Variants in ENOX2 observed in about 807,000 individuals in gnomAD.
ENOX2 encodes the protein APK1 antigen.
ENOX2 carries 36 observed loss-of-function variants against 45.0 expected under a neutral mutation model. The observed-to-expected ratio is 0.80, with a 90% CI of 0.61 to 1.06. The LOEUF (loss-of-function observed/expected upper bound fraction) is 1.06. Among genes scored for constraint, ENOX2 ranks in the 50% least tolerant of loss-of-function variants. The pLI, the probability that ENOX2 is intolerant of heterozygous loss-of-function variation, is 0.00. For synonymous variants in ENOX2, 174 were observed against 152.3 expected (o/e 1.14, Z -1.05); for missense variants, 423 against 462.5 (o/e 0.91, Z 0.78).
At chrX:130,883,714 G>A (rs1417047748) in intron 2 of ENOX2, among the ~76,000 whole-genome samples, 1 of 110,441 alleles carries the variant, frequency 9.1e-6, no homozygotes, top group Non-Finnish European at 1.9e-5. Context: ...TTATATTCCC[G>A]TCCATGAGAC....
At chrX:130,837,389 T>C (rs1182990697) in intron 2 of ENOX2, among the ~76,000 whole-genome samples, 1 of 112,221 alleles carries the variant, frequency 8.9e-6, no homozygotes, top group Admixed American at 9.4e-5. Context: ...AGAAAGGTCA[T>C]AGCTGCTCAC....
rs1002268556 is a variant in ENOX2, at chrX:130,885,214, T to C, written c.-183+16470A>G. On this transcript the variant is annotated intron_variant, in intron 2 of 14. Transcript: ENST00000394363. ...AGTAAATGACCAAATTTATCCTCCTTCTCTAGTAGCATAAGTCACATTTAC... is the reference window on the plus strand; with the variant it reads ...AGTAAATGACCAAATTTATCCTCCTCCTCTAGTAGCATAAGTCACATTTAC... Among the ~76,000 whole-genome samples the C allele has an allele frequency of 4.5e-5, 5 of 111,693 alleles. No individual in the cohort carries two copies. In the Admixed American group the frequency reaches 4.8e-4, roughly 11 times the overall value.
chrX:130,808,679 G>T (rs564523478), intron 2 of ENOX2, among the ~76,000 whole-genome samples: 2 of 111,601 alleles, frequency 1.8e-5, no homozygotes, highest in African/African-American at 6.5e-5. Context: ...GGAAGGGGTA[G>T]ATCCCAAACT....
chrX:130,670,041 T>A lies in ENOX2; in HGVS notation c.618A>T (p.Arg206Ser). The A allele has an allele frequency of 1.7e-6, 2 of 1,211,501 alleles. No homozygotes were observed. The highest frequency in any genetic ancestry group is 2.2e-6 in the Non-Finnish European group (2 of 895,141). ...ERHRRRMEEERLRPPSPPPVV... is the reference protein window; with the variant it reads ...ERHRRRMEEESLRPPSPPPVV... Reference sequence around the variant, plus strand: ...CTGGGGGTGGAGATGGTGGACGCAATCTTTCTTCTTCCATTCTTCTACGAT... The same window carrying A: ...CTGGGGGTGGAGATGGTGGACGCAAACTTTCTTCTTCCATTCTTCTACGAT... Residue 206 changes from arginine (R) to serine (S), a missense_variant, in exon 7 of 15, where the codon AGA (arginine) becomes AGT (serine). By Grantham distance (110) the Arg-to-Ser change is moderately radical (BLOSUM62 -1). This residue lies in a region of ENOX2 where 261 missense variants were observed against 306.8 expected (regional missense o/e 0.85). Coordinates refer to ENST00000394363, the MANE Select transcript of ENOX2 (RefSeq NM_006375.4).
At chrX:130,632,224 TTC>T (rs1304828225) in intron 12 of ENOX2, among the ~76,000 whole-genome samples, 1 of 110,675 alleles carries the variant, frequency 9.0e-6, no homozygotes, top group Non-Finnish European at 1.9e-5. Context: ...TTACTAGTCT[TTC>T]TCTCTCTCTG....
At chrX:130,811,586 C>T (rs2077389740) in intron 2 of ENOX2, among the ~76,000 whole-genome samples, 1 of 112,147 alleles carries the variant, frequency 8.9e-6, no homozygotes, top group African/African-American at 3.2e-5. Flanking sequence ...GGAGACGAAG[C>T]CAGTTTACAA....
intron 5 of ENOX2, among the ~76,000 whole-genome samples, chrX:130,687,378 T>C (rs1185356084): frequency 8.9e-6 from 1 of 112,528 alleles, no homozygotes; most frequent in Non-Finnish European, 1.9e-5. Flanking sequence ...CAGGAGGTTT[T>C]AACACTGGCA....
chrX:130,660,731 T>C lies in ENOX2; in HGVS notation c.1015-4036A>G, dbSNP rs189955444. Among the ~76,000 whole-genome samples, 433 of 112,725 alleles carry C rather than the reference T, an allele frequency of 3.8e-3. 1 individual carries two copies. The highest frequency in any genetic ancestry group is 0.013 in the African/African-American group (418 of 31,057). ...CCTGAAATTGACTGGGTCACATCACTGGTAGACTACAACAAAAAAGGTAAG... is the reference window on the plus strand; with the variant it reads ...CCTGAAATTGACTGGGTCACATCACCGGTAGACTACAACAAAAAAGGTAAG... On this transcript the variant is annotated intron_variant, in intron 9 of 14. Coordinates refer to ENST00000394363, the MANE Select transcript of ENOX2 (RefSeq NM_006375.4).
intron 9 of ENOX2, among the ~76,000 whole-genome samples, chrX:130,662,304 T>C (rs1012544468): frequency 1.8e-5 from 2 of 112,302 alleles, no homozygotes; most frequent in African/African-American, 6.5e-5. Flanking sequence ...GCGGAAACTT[T>C]TTCTTCATAC....
chrX:130,868,835 C>A (rs1359399895), intron 2 of ENOX2, among the ~76,000 whole-genome samples: 1 of 111,372 alleles, frequency 9.0e-6, no homozygotes, highest in Non-Finnish European at 1.9e-5. Flanking sequence ...CAAATTTACT[C>A]CTGACTTTCT....
chrX:130,753,562 G>A (rs1410398754), intron 3 of ENOX2, among the ~76,000 whole-genome samples: 2 of 104,259 alleles, frequency 1.9e-5, no homozygotes, highest in Admixed American at 2.1e-4. Flanking sequence ...CTTTATATTC[G>A]CCTGTCTATC....
chrX:130,676,754 C>A (rs192566485), intron 6 of ENOX2, among the ~76,000 whole-genome samples: 16 of 111,637 alleles, frequency 1.4e-4, no homozygotes, highest in African/African-American at 5.2e-4. Context: ...ATGTTACCAG[C>A]CTACTTTTTC....
chrX:130,783,314 C>A (rs2076922120), intron 3 of ENOX2, among the ~76,000 whole-genome samples: 1 of 111,908 alleles, frequency 8.9e-6, no homozygotes, highest in Admixed American at 9.4e-5. Flanking sequence ...GGTTTTTCAC[C>A]CTTTACACAC....
At chrX:130,833,181 C>T (rs1334986380) in intron 2 of ENOX2, among the ~76,000 whole-genome samples, 2 of 110,897 alleles carry the variant, frequency 1.8e-5, no homozygotes, top group South Asian at 3.9e-4. Context: ...ATCTGAGATA[C>T]GGAGGGGATT....
At chrX:130,792,793 AAAAAAAC>A (rs1372980133) in intron 2 of ENOX2, among the ~76,000 whole-genome samples, 2 of 112,071 alleles carry the variant, frequency 1.8e-5, no homozygotes, top group African/African-American at 3.2e-5. Flanking sequence ...GGCTCCATCT[AAAAAAAC>A]AAAAAACAAA....
chrX:130,898,177 T>G (rs1471547447), intron 2 of ENOX2, among the ~76,000 whole-genome samples: 1 of 110,826 alleles, frequency 9.0e-6, no homozygotes, highest in Non-Finnish European at 1.9e-5. Context: ...CCGGCTAATT[T>G]TTGTATTTTT....
At chrX:130,698,507 T>C (rs1448834643) in intron 4 of ENOX2, among the ~76,000 whole-genome samples, 1 of 111,183 alleles carries the variant, frequency 9.0e-6, no homozygotes, top group Non-Finnish European at 1.9e-5. Flanking sequence ...TGAAGAGACA[T>C]TAATTTTATC....
intron 3 of ENOX2, among the ~76,000 whole-genome samples, chrX:130,764,747 CA>C (rs1367078971): frequency 9.0e-6 from 1 of 111,256 alleles, no homozygotes; most frequent in Non-Finnish European, 1.9e-5. Context: ...TTTTGAGTAC[CA>C]AAGTCATAAT....
chrX:130,813,513 A>C (rs762194593), intron 2 of ENOX2, among the ~76,000 whole-genome samples: 17 of 112,138 alleles, frequency 1.5e-4, no homozygotes, highest in Non-Finnish European at 3.2e-4. Context: ...AGATCAATGC[A>C]GAAGGTGGGT....
Sources: gnomAD v4.1 joint callset for allele counts (sites outside exome capture counted in the v4.1 genomes callset) on GRCh38, gnomAD v4.1.1 for gene constraint, gnomAD v4.1.1 regional missense constraint, MANE v1.5 for transcripts, NCBI Gene and HGNC (gene_info 2026-07-23, HGNC 2026-07-21) for gene names.